The following COBL variants were observed in gnomAD, a reference collection of about 807,000 sequenced individuals.
COBL encodes the protein cordon-bleu WH2 repeat protein.
In COBL, 51 loss-of-function variants were observed where a neutral mutation model predicts 98.8. That is an observed-to-expected ratio of 0.52 (90% CI 0.41 to 0.65). The LOEUF is 0.65. Among genes scored for constraint, COBL ranks in the 30% least tolerant of loss-of-function variants. The pLI is 0.00. For missense variants in COBL, 1,617 were observed against 1,617.5 expected, an observed-to-expected ratio of 1.00 and a Z score of 0.01; for synonymous variants, 634 against 651.7, an observed-to-expected ratio of 0.97 and a Z score of 0.41.
At chr7:51,177,115 C>T (rs1432378461) in intron 5 of COBL, among the ~76,000 whole-genome samples, 1 of 151,968 alleles carries the variant, frequency 6.6e-6, no homozygotes, top group East Asian at 1.9e-4. Context: ...TTGTTGATAC[C>T]TGTTTGATTC....
intron 2 of COBL, among the ~76,000 whole-genome samples, chr7:51,207,862 A>T (rs1162229684): frequency 6.6e-6 from 1 of 152,100 alleles, no homozygotes; most frequent in Non-Finnish European, 1.5e-5. Context: ...CCCGTCTGGG[A>T]AGTGAGGAGC....
In COBL at chr7:51,113,653, T is replaced by A. The variant is rs192212064; in HGVS notation, c.957+22505A>T. ...AAAACAATAGATTTTGGAAAAAAAA[T>A]ATGTCTGAATGAGTGCTTTTTAAAG... On this transcript the variant is annotated intron_variant, in intron 6 of 12. Coordinates refer to ENST00000265136, the MANE Select transcript of COBL (RefSeq NM_015198.5). 2.2e-3 allele frequency among the ~76,000 whole-genome samples: 336 copies of A among 152,298 alleles called. 4 individuals carry two copies. Among genetic ancestry groups the A allele is most frequent in the African/African-American group, 6.8e-3 (284 of 41,578 alleles).
intron 5 of COBL, among the ~76,000 whole-genome samples, chr7:51,149,057 T>C (rs1785311209): frequency 6.6e-6 from 1 of 152,234 alleles, no homozygotes; most frequent in Non-Finnish European, 1.5e-5. Context: ...TGTCAAGGTT[T>C]GCTATAAACC....
At chr7:51,170,534 T>TATAA (rs1554413514) in intron 5 of COBL, among the ~76,000 whole-genome samples, 42 of 134,510 alleles carry the variant, frequency 3.1e-4, no homozygotes, top group African/African-American at 1.0e-3. Flanking sequence ...TATATATAAA[T>TATAA]ATATATCACA....
chr7:51,098,123 T>C (rs1274477568), intron 6 of COBL, among the ~76,000 whole-genome samples: 1 of 148,824 alleles, frequency 6.7e-6, no homozygotes, highest in African/African-American at 2.5e-5. Flanking sequence ...GAAGACACAA[T>C]AAATATTTTC....
intron 6 of COBL, among the ~76,000 whole-genome samples, chr7:51,102,634 G>T (rs1241543344): frequency 6.6e-6 from 1 of 152,186 alleles, no homozygotes; most frequent in Non-Finnish European, 1.5e-5. Context: ...ACTCCTTAAG[G>T]TCTCACTTGT....
At chr7:51,211,559 T>C (rs1349555785) in intron 2 of COBL, among the ~76,000 whole-genome samples, 1 of 152,324 alleles carries the variant, frequency 6.6e-6, no homozygotes, top group South Asian at 2.1e-4. Flanking sequence ...GGATTCTACA[T>C]AGTAAGGCAT....
intron 1 of COBL, among the ~76,000 whole-genome samples, chr7:51,237,260 T>G (rs534961566): frequency 6.6e-6 from 1 of 152,306 alleles, no homozygotes; most frequent in Non-Finnish European, 1.5e-5. Context: ...TGAAAGTTAA[T>G]TTTTTCATCT....
intron 6 of COBL, among the ~76,000 whole-genome samples, chr7:51,118,029 T>G (rs1797429441): frequency 6.6e-6 from 1 of 152,208 alleles, no homozygotes; most frequent in African/African-American, 2.4e-5. Context: ...ACAGAATTTA[T>G]GGCTGTCCCT....
intron 4 of COBL, among the ~76,000 whole-genome samples, chr7:51,185,720 C>T (rs142830113): frequency 3.3e-5 from 5 of 152,340 alleles, no homozygotes; most frequent in African/African-American, 1.2e-4. Context: ...TTTACAAATT[C>T]TGCCATCAGA....
chr7:51,105,557 T>C (rs1269169985), intron 6 of COBL, among the ~76,000 whole-genome samples: 1 of 152,206 alleles, frequency 6.6e-6, no homozygotes, highest in Non-Finnish European at 1.5e-5. Context: ...GAGACCAGCC[T>C]GGGCAACATA....
intron 2 of COBL, among the ~76,000 whole-genome samples, chr7:51,197,849 G>A (rs1285963171): frequency 2.6e-5 from 4 of 151,950 alleles, no homozygotes; most frequent in Non-Finnish European, 5.9e-5. Context: ...GCTTTCTTCT[G>A]TTTTCCATTT....
intron 6 of COBL, among the ~76,000 whole-genome samples, chr7:51,097,478 G>A (rs1204740059): frequency 1.3e-5 from 2 of 152,076 alleles, no homozygotes; most frequent in African/African-American, 2.4e-5. Flanking sequence ...AGAAATATAA[G>A]GCATCTAAAT....
intron 4 of COBL, 87 bp downstream of exon 4, chr7:51,190,763 A>T: frequency 9.6e-7 from 1 of 1,040,314 alleles, no homozygotes; most frequent in Admixed American, 2.1e-5. Context: ...CGCTACTGAG[A>T]GTGCTGGGGA....
In COBL at chr7:51,259,404, G is replaced by C; in HGVS notation, c.42-39460C>G. 4 of 437,862 alleles carry C rather than the reference G, an allele frequency of 9.1e-6. No individual in the cohort carries two copies. The South Asian group carries it at 1.0e-4, about 11-fold the overall frequency. 27.1% of individuals were successfully genotyped at this position (437,862 alleles called of 1,614,324 possible). On this transcript the variant is annotated intron_variant, in intron 1 of 12. Transcript: ENST00000265136. Reference sequence around the variant, plus strand: ...CCCATCAAAAGTCAGCCCAAGGGCAGTTTTCAGCCCTGCCTCACCTGGGTC... The same window carrying C: ...CCCATCAAAAGTCAGCCCAAGGGCACTTTTCAGCCCTGCCTCACCTGGGTC...
intron 5 of COBL, among the ~76,000 whole-genome samples, chr7:51,139,364 C>T (rs907253251): frequency 3.3e-5 from 5 of 152,166 alleles, no homozygotes; most frequent in African/African-American, 9.7e-5. Context: ...AGTCAGAAGG[C>T]GGAAGTGCAC....
intron 5 of COBL, among the ~76,000 whole-genome samples, chr7:51,146,207 T>C (rs1785016910): frequency 6.6e-6 from 1 of 152,252 alleles, no homozygotes; most frequent in African/African-American, 2.4e-5. Context: ...GGAATAATCA[T>C]GTTTTCCAGG....
At chr7:51,143,904 A>C (rs1784789514) in intron 5 of COBL, among the ~76,000 whole-genome samples, 1 of 152,172 alleles carries the variant, frequency 6.6e-6, no homozygotes, top group Non-Finnish European at 1.5e-5. Context: ...ACTGTTTATA[A>C]TGTTGCCCTC....
intron 1 of COBL, among the ~76,000 whole-genome samples, chr7:51,240,555 TA>T (rs1795692480): frequency 6.6e-6 from 1 of 152,058 alleles, no homozygotes; most frequent in Non-Finnish European, 1.5e-5. Context: ...TTTTTTATTT[TA>T]TTTTTTTGAG....
Sources: gnomAD v4.1 joint callset for allele counts (sites outside exome capture counted in the v4.1 genomes callset) on GRCh38, gnomAD v4.1.1 for gene constraint, MANE v1.5 for transcripts, NCBI Gene and HGNC (gene_info 2026-07-23, HGNC 2026-07-21) for gene names.